SNX15: variants seen among roughly 807,000 people sequenced by gnomAD.
SNX15 encodes the protein sorting nexin 15, also known as sorting nexin-15.
In SNX15, 29 loss-of-function variants were observed where a neutral mutation model predicts 35.2. The ratio of observed to expected loss-of-function variants is 0.82; its 90% confidence interval spans 0.61 to 1.12. The LOEUF (loss-of-function observed/expected upper bound fraction) is 1.12, where lower values mean the gene tolerates loss of function less well. Among genes scored for constraint, SNX15 ranks in the 50% most tolerant of loss-of-function variants. The pLI is 0.00. For synonymous variants in SNX15, 189 were observed against 188.2 expected, an observed-to-expected ratio of 1.00 and a Z score of -0.03; for missense variants, 400 against 451.5, an observed-to-expected ratio of 0.89 and a Z score of 1.03.
At chr11:65,030,365 T>G (rs958898465) in intron 1 of SNX15, among the ~76,000 whole-genome samples, 1 of 151,062 alleles carries the variant, frequency 6.6e-6, no homozygotes, top group Non-Finnish European at 1.5e-5. Flanking sequence ...AAAAAAAATT[T>G]TTTTTTTTGT....
Position 65,027,441 on chromosome 11 carries a change from A to C in SNX15, c.-97A>C, listed in dbSNP as rs892465414. The C allele has an allele frequency of 3.6e-6, 3 of 823,962 alleles. No individual in the cohort carries two copies. Among genetic ancestry groups the C allele is most frequent in the East Asian group, 2.4e-5 (1 of 40,978 alleles). The allele number at this position is 823,962 out of a possible 1,614,324, so 51.0% of individuals were successfully genotyped here. Reference sequence around the variant, plus strand: ...CCCTAGGCCAGAGGAAGAAGAGCGCAGGCCTGGCGAGGCGGCGGCGGGCGG... The same window carrying C: ...CCCTAGGCCAGAGGAAGAAGAGCGCCGGCCTGGCGAGGCGGCGGCGGGCGG... On this transcript the variant is annotated 5_prime_UTR_variant, in exon 1 of 8. Coordinates refer to ENST00000377244, the MANE Select transcript of SNX15 (RefSeq NM_013306.5).
chr11:65,035,411 G>A (rs1946490040), intron 5 of SNX15, 109 bp from the exon 6 acceptor site: 1 of 1,350,056 alleles, frequency 7.4e-7, no homozygotes, highest in African/African-American at 1.5e-5. Context: ...CCTAATAACA[G>A]GCTTGTCTAT....
intron 6 of SNX15, chr11:65,038,124 G>A: frequency 9.6e-6 from 3 of 311,194 alleles, no homozygotes; most frequent in Non-Finnish European, 1.4e-5. Flanking sequence ...GGCCTCAGCT[G>A]AAACTGCAAG....
chr11:65,035,708 T>C, intron 6 of SNX15, 45 bp downstream of exon 6: 1 of 1,561,314 alleles, frequency 6.4e-7, no homozygotes, highest in Non-Finnish European at 8.7e-7. Context: ...CAGGACGTCC[T>C]TGGGACAGGG....
intron 6 of SNX15, chr11:65,037,080 G>A (rs1374581243): frequency 6.6e-6 from 1 of 152,242 alleles, no homozygotes; most frequent in Non-Finnish European, 1.5e-5. Context: ...GGTGTCACAG[G>A]GCTGTTATGC....
rs653111 is a variant in SNX15 at position 65,039,822 on chromosome 11, G to A, written c.*30G>A. On this transcript the variant is annotated 3_prime_UTR_variant, in exon 8 of 8. Coordinates refer to ENST00000377244, the MANE Select transcript of SNX15 (RefSeq NM_013306.5). ...GAGTGGGCCATTCCCTGGGACTCTCGCTCCTGCACTGCCAGCCCCTTCTCC... is the reference window on the plus strand; with the variant it reads ...GAGTGGGCCATTCCCTGGGACTCTCACTCCTGCACTGCCAGCCCCTTCTCC... The A allele has an allele frequency of 0.59, 871,654 of 1,478,818 alleles. 267,531 individuals carry two copies. Among genetic ancestry groups the A allele is most frequent in the Middle Eastern group, 0.66 (3,828 of 5,796 alleles). 91.6% of individuals were successfully genotyped at this position (1,478,818 alleles called of 1,614,324 possible). A position where few individuals can be genotyped will look rare whatever the true frequency, so the allele number is the denominator to read the frequency against.
At chr11:65,032,317 C>T (rs532373) in intron 2 of SNX15, 114 bp downstream of exon 2, 945,985 of 1,578,830 alleles carry the variant, frequency 0.6, 291,989 homozygotes, top group Middle Eastern at 0.67. Flanking sequence ...TGTCCCTGGG[C>T]GAGGGGCTGC....
intron 5 of SNX15, 36 bp from the exon 6 acceptor site, chr11:65,035,484 C>G (rs374759425): frequency 6.5e-7 from 1 of 1,544,834 alleles, no homozygotes; most frequent in East Asian, 2.3e-5. Context: ...GAGAAATAAA[C>G]GCAGGTATTC....
rs1017594939 is a variant in SNX15, at chr11:65,035,565, T to C, written c.566T>C (p.Leu189Pro). 2 of 1,613,746 alleles carry C rather than the reference T, an allele frequency of 1.2e-6. No individual in the cohort carries two copies. The highest frequency in any genetic ancestry group is 2.7e-5 in the African/African-American group (2 of 74,924). The change falls in exon 6 of 8, where the codon CTC becomes CCC. Residue 189 changes from leucine to proline, a missense_variant. Coordinates refer to ENST00000377244, the MANE Select transcript of SNX15 (RefSeq NM_013306.5). ...CCTGCCCAGGAGGCCCTGGATCTCC[T>C]CTTTAACTGTGAGAGCACCGAGGAG... ...SSPAQEALDL[L>P]FNCESTEEAS...
intron 1 of SNX15, among the ~76,000 whole-genome samples, chr11:65,029,695 G>GCCT (rs1946419304): frequency 6.6e-6 from 1 of 151,594 alleles, no homozygotes; most frequent in South Asian, 2.1e-4. Flanking sequence ...TCCTGCTTCA[G>GCCT]CCTCCTGAGT....
chr11:65,027,787 A>G (rs1289184539), intron 1 of SNX15, 151 bp downstream of exon 1: 2 of 618,352 alleles, frequency 3.2e-6, no homozygotes, highest in Non-Finnish European at 5.8e-6. Flanking sequence ...GGCTTAGTTT[A>G]CATCTTTAAC....
At position 65,032,340 on chromosome 11, in the gene SNX15, C is replaced by T. The variant is rs7933704; in HGVS notation, c.136-91C>T. The T allele has an allele frequency of 2.5e-6, 4 of 1,603,550 alleles. 1 individual carries two copies. In the Admixed American group the frequency reaches 6.7e-5, roughly 27 times the overall value. On this transcript the variant is annotated intron_variant, in intron 2 of 7. Transcript: ENST00000377244. Reference sequence around the variant, plus strand: ...GGCGAGGGGCTGCTGCAGCTGCTTCCTGATCCTCACGCCCCCTGGGGGCAG... The same window carrying T: ...GGCGAGGGGCTGCTGCAGCTGCTTCTTGATCCTCACGCCCCCTGGGGGCAG...
chr11:65,035,296 ATG>A (rs956574324), intron 5 of SNX15, 90 bp downstream of exon 5: 35 of 1,332,288 alleles, frequency 2.6e-5, no homozygotes, highest in Non-Finnish European at 2.2e-5. Context: ...TTACTGAGAA[ATG>A]TGTGTGTGTC....
chr11:65,032,065 A>C, intron 1 of SNX15, 103 bp from the exon 2 acceptor site: 2 of 1,145,910 alleles, frequency 1.7e-6, no homozygotes, highest in Non-Finnish European at 2.6e-6. Context: ...GCCAAAGGCT[A>C]CTGCCCCGTG....
Position 65,032,049 on chromosome 11 carries a change from C to T in SNX15, c.100-119C>T. ...AGCCAGGGTGCCTTGATGCCAGAGG[C>T]CAATGGCCAAAGGCTACTGCCCCGT... On this transcript the variant is annotated intron_variant, in intron 1 of 7. Transcript: ENST00000377244. 3 of 937,108 alleles carry T rather than the reference C, an allele frequency of 3.2e-6. No individual in the cohort carries two copies. The East Asian group carries it at 7.3e-5, about 23-fold the overall frequency. 58.0% of individuals were successfully genotyped at this position (937,108 alleles called of 1,614,324 possible). A position where few individuals can be genotyped will look rare whatever the true frequency, so the allele number is the denominator to read the frequency against.
At chr11:65,038,483 C>G in intron 6 of SNX15, 89 bp from the exon 7 acceptor site, 1 of 1,464,946 alleles carries the variant, frequency 6.8e-7, no homozygotes, top group Non-Finnish European at 9.1e-7. Context: ...AGGCTGATAC[C>G]CTGATGGACA....
rs1437819041 is a variant in SNX15 at position 65,027,464 on chromosome 11, C to T, written c.-74C>T. On this transcript the variant is annotated 5_prime_UTR_variant, in exon 1 of 8. Coordinates refer to ENST00000377244, the MANE Select transcript of SNX15 (RefSeq NM_013306.5). ...GCAGGCCTGGCGAGGCGGCGGCGGG[C>T]GGAGGCTGGGCCGGAGGGGTGGGGA... 11 of 1,213,364 alleles carry T rather than the reference C, an allele frequency of 9.1e-6. No homozygotes were observed. The South Asian group carries it at 1.1e-4, about 12-fold the overall frequency. The allele number at this position is 1,213,364 out of a possible 1,614,324, so 75.2% of individuals were successfully genotyped here.
Position 65,035,132 on chromosome 11 carries a change from C to A in SNX15, c.446C>A (p.Pro149Gln). The A allele has an allele frequency of 1.9e-6, 3 of 1,597,728 alleles. No homozygotes were observed. The highest frequency in any genetic ancestry group is 2.3e-5 in the East Asian group (1 of 44,306). The change falls in exon 5 of 8, where the codon CCG becomes CAG. Residue 149 changes from proline (P) to glutamine (Q), a missense_variant. Pro to Gln is a moderately conservative substitution (Grantham distance 76). Coordinates refer to ENST00000377244, the MANE Select transcript of SNX15 (RefSeq NM_013306.5). ...HILPPPLIPT[P>Q]PPDDPRLSQL... ...CTGCCACCCCCTCTGATCCCCACCCCGCCCCCTGATGACCCCCGGCTATCC... is the reference window on the plus strand; with the variant it reads ...CTGCCACCCCCTCTGATCCCCACCCAGCCCCCTGATGACCCCCGGCTATCC...
intron 2 of SNX15, 71 bp from the exon 3 acceptor site, chr11:65,032,360 G>C: frequency 6.2e-7 from 1 of 1,610,782 alleles, no homozygotes. Context: ...CGCCCCCTGG[G>C]GGCAGGCTAG....
Sources: gnomAD v4.1 joint callset for allele counts (sites outside exome capture counted in the v4.1 genomes callset) on GRCh38, gnomAD v4.1.1 for gene constraint, MANE v1.5 for transcripts, NCBI Gene and HGNC (gene_info 2026-07-23, HGNC 2026-07-21) for gene names.